The following GSE1 variants were observed in gnomAD, a reference collection of about 807,000 sequenced individuals.
GSE1 encodes the protein genetic suppressor element 1.
Under a neutral mutation model 112.6 loss-of-function variants are expected in GSE1, and 32 were observed. The observed-to-expected ratio is 0.28, with a 90% CI of 0.21 to 0.38. The LOEUF is 0.38. Ranked by LOEUF, GSE1 falls within the 10% of genes least tolerant of loss-of-function variation. GSE1 has a pLI of 1.00. For missense variants in GSE1, 2,348 were observed against 1,699.2 expected (o/e 1.38, Z -6.71); for synonymous variants, 1,115 against 735.6 (o/e 1.52, Z -8.35).
chr16:85,631,290 A>T (rs1211851512), intron 1 of GSE1, among the ~76,000 whole-genome samples: 2 of 152,208 alleles, frequency 1.3e-5, no homozygotes, highest in Non-Finnish European at 1.5e-5. Context: ...TATGTTGGCC[A>T]TGTCCTCCAG....
intron 2 of GSE1, among the ~76,000 whole-genome samples, chr16:85,453,316 G>T (rs1017708177): frequency 2.6e-5 from 4 of 152,174 alleles, no homozygotes; most frequent in Admixed American, 2.0e-4. Flanking sequence ...CTCCGCGGAG[G>T]CTGGGCAGAT....
At chr16:85,504,060 G>A (rs879751987) in intron 2 of GSE1, among the ~76,000 whole-genome samples, 8 of 152,218 alleles carry the variant, frequency 5.3e-5, no homozygotes, top group Non-Finnish European at 1.0e-4. Context: ...GCCTCCCACG[G>A]TGCTGCCCGC....
chr16:85,303,879 C>G (rs185133558), intron 1 of GSE1, among the ~76,000 whole-genome samples: 33 of 152,340 alleles, frequency 2.2e-4, no homozygotes, highest in African/African-American at 7.7e-4. Context: ...AGTGCCGCTG[C>G]CCCCAGGGTT....
At chr16:85,575,179 G>A (rs2046177649) in intron 1 of GSE1, among the ~76,000 whole-genome samples, 1 of 152,196 alleles carries the variant, frequency 6.6e-6, no homozygotes, top group Non-Finnish European at 1.5e-5. Flanking sequence ...AAGAAATACT[G>A]GCAGGGAATG....
At chr16:85,598,167 GTTTTTTTTTTTTT>G in intron 1 of GSE1, among the ~76,000 whole-genome samples, 1 of 71,558 alleles carries the variant, frequency 1.4e-5, no homozygotes, top group African/African-American at 5.4e-5. Context: ...AGGTTTGGTT[GTTTTTTTTTTTTT>G]TTTTTTTTTT....
In GSE1 at chr16:85,672,402, C is replaced by T. The variant is rs776946979; in HGVS notation, c.3520-3C>T. The T allele has an allele frequency of 2.5e-6, 4 of 1,609,704 alleles. No individual in the cohort carries two copies. Among genetic ancestry groups the T allele is most frequent in the South Asian group, 1.1e-5 (1 of 90,782 alleles). ...GTTTTGACACAAATTTCCCTCTCTC[C>T]AGGAGTTGAGGAGCCAGAAACAGAA... On this transcript the variant is annotated splice_polypyrimidine_tract_variant and splice_region_variant and intron_variant, in intron 15 of 15. Coordinates refer to ENST00000253458, the MANE Select transcript of GSE1 (RefSeq NM_014615.5).
At position 85,674,020 on chromosome 16, in the gene GSE1, G is replaced by C. The variant is rs775463337; in HGVS notation, c.*1481G>C. Reference sequence around the variant, plus strand: ...ATCACACCAAGGCAAAGCAACGGGCGAGTCTTCCTCCTTGTCCTAGTTACT... The same window carrying C: ...ATCACACCAAGGCAAAGCAACGGGCCAGTCTTCCTCCTTGTCCTAGTTACT... On this transcript the variant is annotated 3_prime_UTR_variant, in exon 16 of 16. Transcript: ENST00000253458. 2 of 151,928 alleles carry C rather than the reference G, an allele frequency of 1.3e-5. No individual in the cohort carries two copies. The highest frequency in any genetic ancestry group is 2.4e-5 in the African/African-American group (1 of 41,340). The allele number at this position is 151,928 out of a possible 1,614,324, so 9.4% of individuals were successfully genotyped here.
intron 2 of GSE1, among the ~76,000 whole-genome samples, chr16:85,418,292 T>C (rs1214653217): frequency 6.6e-6 from 1 of 152,160 alleles, no homozygotes; most frequent in Non-Finnish European, 1.5e-5. Flanking sequence ...GTCACAGAGG[T>C]GGGGCTGAAA....
At chr16:85,187,738 A>G (rs2074736637) in intron 1 of GSE1, among the ~76,000 whole-genome samples, 1 of 152,170 alleles carries the variant, frequency 6.6e-6, no homozygotes, top group Admixed American at 6.5e-5. Flanking sequence ...ACCCACACAC[A>G]GGGACAGGCT....
Position 85,604,111 on chromosome 16 carries a change from C to T in GSE1, c.38-44441C>T, listed in dbSNP as rs982576763. ...GCATATCACGTGGCAAAGGCAGGGG[C>T]AAGACAGAGGGACCAAAAGGACCAC... On this transcript the variant is annotated intron_variant, in intron 1 of 2. Transcript: ENST00000635906. Among the ~76,000 whole-genome samples the T allele has an allele frequency of 8.5e-5, 13 of 152,140 alleles. No homozygotes were observed. The South Asian group carries it at 1.4e-3, about 17-fold the overall frequency.
chr16:85,276,875 G>T (rs909301065), intron 1 of GSE1, among the ~76,000 whole-genome samples: 1 of 152,186 alleles, frequency 6.6e-6, no homozygotes, highest in Non-Finnish European at 1.5e-5. Context: ...AGACTCCTGT[G>T]CACGGTCAAG....
intron 1 of GSE1, among the ~76,000 whole-genome samples, chr16:85,628,992 G>C (rs1003072403): frequency 6.6e-6 from 1 of 152,128 alleles, no homozygotes; most frequent in Non-Finnish European, 1.5e-5. Context: ...CTCATGAAGG[G>C]GTTATCACCG....
intron 1 of GSE1, among the ~76,000 whole-genome samples, chr16:85,573,371 T>G (rs1461864197): frequency 6.6e-6 from 1 of 152,210 alleles, no homozygotes; most frequent in Non-Finnish European, 1.5e-5. Context: ...CATCTGTTGA[T>G]GACGTTCAGC....
intron 1 of GSE1, among the ~76,000 whole-genome samples, chr16:85,241,700 T>G (rs768147242): frequency 6.6e-6 from 1 of 152,150 alleles, no homozygotes; most frequent in Non-Finnish European, 1.5e-5. Flanking sequence ...CTGCGCTTTA[T>G]GTACTCAGCC....
chr16:85,246,453 A>G (rs1221653851), intron 1 of GSE1, among the ~76,000 whole-genome samples: 11 of 82,524 alleles, frequency 1.3e-4, no homozygotes, highest in South Asian at 6.9e-4. Context: ...ACACACACAC[A>G]CACACACCCC....
At chr16:85,628,697 G>C (rs2049281151) in intron 1 of GSE1, among the ~76,000 whole-genome samples, 1 of 152,214 alleles carries the variant, frequency 6.6e-6, no homozygotes, top group Admixed American at 6.5e-5. Context: ...CCCTTTGAAT[G>C]TCCGCCTTTT....
At chr16:85,232,960 C>T (rs977226759) in intron 1 of GSE1, among the ~76,000 whole-genome samples, 2 of 152,246 alleles carry the variant, frequency 1.3e-5, no homozygotes, top group African/African-American at 2.4e-5. Context: ...GTCCACATGG[C>T]GGGGGCCACG....
At chr16:85,274,619 G>C (rs556542926) in intron 1 of GSE1, among the ~76,000 whole-genome samples, 98 of 152,340 alleles carry the variant, frequency 6.4e-4, no homozygotes, top group South Asian at 2.1e-3. Context: ...GGCGGTTGTA[G>C]GGATCCCCAG....
chr16:85,196,897 TTC>T (rs1180984319), intron 1 of GSE1, among the ~76,000 whole-genome samples: 2 of 152,032 alleles, frequency 1.3e-5, no homozygotes, highest in African/African-American at 4.8e-5. Flanking sequence ...GGGCTTGGGT[TTC>T]TCCCCTGTGA....
Sources: allele counts gnomAD v4.1 joint callset (sites outside exome capture counted in the v4.1 genomes callset), GRCh38; gene constraint gnomAD v4.1.1; transcripts MANE v1.5; gene names NCBI Gene and HGNC (gene_info 2026-07-23, HGNC 2026-07-21).